PIR: variants seen among roughly 807,000 people sequenced by gnomAD.
PIR encodes the protein pirin.
Under a neutral mutation model 24.2 loss-of-function variants are expected in PIR, and 22 were observed. The observed-to-expected ratio is 0.91, with a 90% CI of 0.65 to 1.30. PIR has a LOEUF of 1.30. Among genes scored for constraint, PIR ranks in the 50% most tolerant of loss-of-function variants. The pLI is 0.00. For synonymous variants in PIR, 80 were observed against 79.6 expected, an observed-to-expected ratio of 1.00 and a Z score of -0.03; for missense variants, 220 against 220.3, an observed-to-expected ratio of 1.00 and a Z score of 0.01.
chrX:15,395,194 C>T (rs1264432878), intron 8 of PIR, among the ~76,000 whole-genome samples: 1 of 111,796 alleles, frequency 8.9e-6, no homozygotes, highest in Admixed American at 9.5e-5. Flanking sequence ...GAGCCTTCTT[C>T]TACCTGTAGA....
chrX:15,448,619 C>T, intron 5 of PIR, among the ~76,000 whole-genome samples: 1 of 112,214 alleles, frequency 8.9e-6, no homozygotes, highest in Non-Finnish European at 1.9e-5. Context: ...TTGGGTTTTT[C>T]TCCATCCCCA....
chrX:15,397,752 G>T (rs867765673), intron 7 of PIR, among the ~76,000 whole-genome samples: 2 of 110,877 alleles, frequency 1.8e-5, no homozygotes, highest in Non-Finnish European at 3.8e-5. Context: ...TGAATCCTGC[G>T]TGTGTTTCCA....
intron 6 of PIR, among the ~76,000 whole-genome samples, chrX:15,423,894 A>T (rs1462942296): frequency 8.9e-6 from 1 of 112,159 alleles, no homozygotes; most frequent in Non-Finnish European, 1.9e-5. Flanking sequence ...CCCAGTTAAA[A>T]TGGCTGTTAT....
At chrX:15,453,584 G>A (rs766033662) in intron 5 of PIR, among the ~76,000 whole-genome samples, 5 of 112,251 alleles carry the variant, frequency 4.5e-5, no homozygotes, top group South Asian at 3.7e-4. Flanking sequence ...AAATTCACTC[G>A]TAAGAAAGAC....
chrX:15,424,455 T>G (rs200959167), intron 6 of PIR, among the ~76,000 whole-genome samples: 1 of 61,009 alleles, frequency 1.6e-5, no homozygotes, highest in Admixed American at 2.1e-4. Flanking sequence ...AATATACAAT[T>G]TAATAGAAGA....
chrX:15,462,667 C>CT (rs1602284325), intron 3 of PIR, among the ~76,000 whole-genome samples: 4 of 112,057 alleles, frequency 3.6e-5, no homozygotes, highest in African/African-American at 1.3e-4. Flanking sequence ...CCTAAATAGT[C>CT]TTTTTTCACA....
intron 6 of PIR, among the ~76,000 whole-genome samples, chrX:15,416,352 G>A (rs142172738): frequency 0.019 from 2,079 of 111,764 alleles, 49 homozygotes; most frequent in African/African-American, 0.064. Flanking sequence ...ATTCATGTTT[G>A]GGGCATTCTC....
At chrX:15,387,968 A>G (rs1923828745) in intron 9 of PIR, among the ~76,000 whole-genome samples, 1 of 111,658 alleles carries the variant, frequency 9.0e-6, no homozygotes, top group African/African-American at 3.3e-5. Context: ...ACTTTAGGAA[A>G]CAAGTATAAC....
At chrX:15,444,119 C>T (rs1243694106) in intron 5 of PIR, among the ~76,000 whole-genome samples, 2 of 111,856 alleles carry the variant, frequency 1.8e-5, no homozygotes, top group Non-Finnish European at 1.9e-5. Context: ...CAGCATTACA[C>T]GCTACAGAGA....
At chrX:15,450,978 C>T (rs1312950689) in intron 5 of PIR, among the ~76,000 whole-genome samples, 1 of 110,765 alleles carries the variant, frequency 9.0e-6, no homozygotes. Context: ...CACACAGTGG[C>T]TTGCACAGTG....
At chrX:15,491,472 A>G (rs981222458) in intron 1 of PIR, among the ~76,000 whole-genome samples, 163 bp from the exon 2 acceptor site, 4 of 111,979 alleles carry the variant, frequency 3.6e-5, no homozygotes, top group African/African-American at 1.3e-4. Context: ...AAACAACCAT[A>G]ATGATGGTGA....
rs180676285 is a variant in PIR, at chrX:15,422,638, A to G, written c.565+3268T>C. 3.8e-3 allele frequency among the ~76,000 whole-genome samples: 421 copies of G among 111,664 alleles called. 3 individuals are homozygous for G. The highest frequency in any genetic ancestry group is 0.013 in the African/African-American group (413 of 30,730). ...ACTTAACCAAAGAATTGAAAAATCT[A>G]TACAAGGAAAACTATAAAACACTGA... On this transcript the variant is annotated intron_variant, in intron 6 of 9. Coordinates refer to ENST00000380420, the MANE Select transcript of PIR (RefSeq NM_001018109.3).
intron 2 of PIR, among the ~76,000 whole-genome samples, chrX:15,484,306 C>CTTTTTTTT (rs1193474348): frequency 5.9e-5 from 4 of 67,485 alleles, no homozygotes; most frequent in African/African-American, 1.7e-4. Flanking sequence ...TCTCAATTTT[C>CTTTTTTTT]TTTTTTTTTT....
At chrX:15,422,445 C>A (rs960591710) in intron 6 of PIR, among the ~76,000 whole-genome samples, 1 of 109,634 alleles carries the variant, frequency 9.1e-6, no homozygotes, top group African/African-American at 3.3e-5. Context: ...CCAAAAAAAA[C>A]CTATTAAGAC....
intron 6 of PIR, among the ~76,000 whole-genome samples, chrX:15,416,779 T>C (rs1359514791): frequency 9.0e-6 from 1 of 111,596 alleles, no homozygotes; most frequent in Non-Finnish European, 1.9e-5. Flanking sequence ...TGAGTTGCCC[T>C]ATATAGAGCC....
Position 15,433,375 on chromosome X carries a change from A to G in PIR, c.481-7385T>C, listed in dbSNP as rs547482439. ...GTATTATCTCAGAAACCAAAGAAAG[A>G]GAGGCTGTGGAGAAGGACAAAGCAA... On this transcript the variant is annotated intron_variant, in intron 5 of 9. Coordinates refer to ENST00000380420, the MANE Select transcript of PIR (RefSeq NM_001018109.3). Among the ~76,000 whole-genome samples the G allele has an allele frequency of 3.6e-4, 39 of 108,540 alleles. No individual in the cohort carries two copies. The South Asian group carries it at 0.015, about 42-fold the overall frequency. 94.3% of individuals were successfully genotyped at this position (108,540 alleles called of 115,157 possible).
chrX:15,436,291 T>G (rs1048984861), intron 5 of PIR, among the ~76,000 whole-genome samples: 6 of 111,776 alleles, frequency 5.4e-5, no homozygotes, highest in African/African-American at 2.0e-4. Flanking sequence ...TTTCTCACCT[T>G]TTATTTATGG....
intron 5 of PIR, among the ~76,000 whole-genome samples, chrX:15,454,891 C>T (rs774894213): frequency 8.9e-6 from 1 of 111,917 alleles, no homozygotes; most frequent in Admixed American, 9.5e-5. Context: ...CATGAAAGCC[C>T]GGCTCCCTTG....
chrX:15,475,104 GA>G (rs113947874), intron 3 of PIR, among the ~76,000 whole-genome samples: 53,164 of 104,313 alleles, frequency 0.51, 10,965 homozygotes, highest in African/African-American at 0.73. Flanking sequence ...CAGCAAGCTA[GA>G]AAAAAAAAAC....
Sources: allele counts gnomAD v4.1 joint callset (sites outside exome capture counted in the v4.1 genomes callset), GRCh38; gene constraint gnomAD v4.1.1; transcripts MANE v1.5; gene names NCBI Gene and HGNC (gene_info 2026-07-23, HGNC 2026-07-21).